FCHSD2: variants seen among roughly 807,000 people sequenced by gnomAD.
FCHSD2 encodes F-BAR and double SH3 domains protein 2.
A neutral mutation model predicts 108.1 loss-of-function variants in FCHSD2; 38 were observed. That is an observed-to-expected ratio of 0.35 (90% CI 0.27 to 0.46). The LOEUF is 0.46. Among genes scored for constraint, FCHSD2 ranks in the 20% least tolerant of loss-of-function variants. FCHSD2 has a pLI of 1.00. For synonymous variants in FCHSD2, 279 were observed against 314.7 expected (o/e 0.89, Z 1.20); for missense variants, 751 against 897.8 (o/e 0.84, Z 2.09).
chr11:73,068,315 A>T (rs939917009), intron 3 of FCHSD2, among the ~76,000 whole-genome samples: 7 of 126,484 alleles, frequency 5.5e-5, no homozygotes, highest in African/African-American at 1.8e-4. Context: ...CACACACTGA[A>T]CACCTGTGCG....
chr11:72,916,114 T>C (rs565730132), intron 9 of FCHSD2, among the ~76,000 whole-genome samples: 1 of 152,090 alleles, frequency 6.6e-6, no homozygotes, highest in Admixed American at 6.6e-5. Flanking sequence ...TAATGGGTAC[T>C]AGGCTTAATA....
intron 13 of FCHSD2, among the ~76,000 whole-genome samples, chr11:72,856,399 ACT>A (rs1861429874): frequency 6.6e-6 from 1 of 151,980 alleles, no homozygotes; most frequent in Non-Finnish European, 1.5e-5. Flanking sequence ...TTTAAAACTG[ACT>A]CTCCTCTTAA....
At chr11:73,064,982 A>G (rs977797258) in intron 3 of FCHSD2, among the ~76,000 whole-genome samples, 5 of 152,198 alleles carry the variant, frequency 3.3e-5, no homozygotes, top group African/African-American at 4.8e-5. Context: ...ATAGAAAAAG[A>G]GGGAATCCTC....
chr11:73,122,300 T>C (rs1200049097), intron 2 of FCHSD2, among the ~76,000 whole-genome samples: 1 of 152,080 alleles, frequency 6.6e-6, no homozygotes, highest in African/African-American at 2.4e-5. Context: ...GTACAAAAAC[T>C]TCCCCGTATT....
At chr11:73,140,675 A>C (rs1005277838) in intron 1 of FCHSD2, among the ~76,000 whole-genome samples, 4 of 152,244 alleles carry the variant, frequency 2.6e-5, no homozygotes, top group African/African-American at 9.6e-5. Flanking sequence ...ATCAAATCAC[A>C]ATCTCTTTCT....
At chr11:72,916,556 T>A (rs1393166985) in intron 9 of FCHSD2, among the ~76,000 whole-genome samples, 1 of 152,098 alleles carries the variant, frequency 6.6e-6, no homozygotes, top group African/African-American at 2.4e-5. Flanking sequence ...CTCAAGCAAT[T>A]CCCCCACCTT....
intron 8 of FCHSD2, among the ~76,000 whole-genome samples, chr11:72,966,357 G>A (rs1320287983): frequency 1.3e-5 from 2 of 151,970 alleles, no homozygotes; most frequent in South Asian, 4.1e-4. Context: ...ACAGGGTTTC[G>A]TCATGTTGGC....
At chr11:72,839,079 C>A (rs898861934) in intron 19 of FCHSD2, among the ~76,000 whole-genome samples, 1 of 152,206 alleles carries the variant, frequency 6.6e-6, no homozygotes, top group African/African-American at 2.4e-5. Context: ...GCCCACAAAT[C>A]AGCTTCTTGC....
chr11:72,861,160 T>C (rs182429206), intron 13 of FCHSD2, among the ~76,000 whole-genome samples: 63 of 152,114 alleles, frequency 4.1e-4, no homozygotes, highest in African/African-American at 1.4e-3. Flanking sequence ...TCTAGCAGAA[T>C]GATCAGAAGA....
chr11:73,040,296 G>A (rs772188906), intron 3 of FCHSD2, among the ~76,000 whole-genome samples: 1 of 152,078 alleles, frequency 6.6e-6, no homozygotes, highest in African/African-American at 2.4e-5. Flanking sequence ...TAATTGTTTC[G>A]CAGTCATGTG....
At chr11:72,839,627 A>C (rs901369854) in intron 19 of FCHSD2, among the ~76,000 whole-genome samples, 2 of 152,208 alleles carry the variant, frequency 1.3e-5, no homozygotes, top group African/African-American at 4.8e-5. Context: ...GAATGATGCC[A>C]GAACACCAGT....
At chr11:73,027,212 C>G (rs1209969404) in intron 3 of FCHSD2, among the ~76,000 whole-genome samples, 1 of 152,078 alleles carries the variant, frequency 6.6e-6, no homozygotes, top group Non-Finnish European at 1.5e-5. Flanking sequence ...TTGACCAAAA[C>G]CATTGATCAC....
chr11:72,850,040 T>C (rs1157667409), intron 13 of FCHSD2, among the ~76,000 whole-genome samples, 151 bp from the exon 14 acceptor site: 3 of 150,052 alleles, frequency 2.0e-5, no homozygotes, highest in Admixed American at 6.8e-5. Flanking sequence ...ACATTTTTCA[T>C]GTTATGAAAG....
intron 2 of FCHSD2, among the ~76,000 whole-genome samples, chr11:73,091,540 C>T (rs1423671070): frequency 6.6e-6 from 1 of 151,796 alleles, no homozygotes; most frequent in Non-Finnish European, 1.5e-5. Flanking sequence ...CAGAGTGAGA[C>T]TCCATCTCAA....
intron 8 of FCHSD2, among the ~76,000 whole-genome samples, chr11:72,954,208 T>A (rs1015516930): frequency 7.1e-6 from 1 of 140,298 alleles, no homozygotes; most frequent in African/African-American, 2.7e-5. Flanking sequence ...TTTTTTTTTT[T>A]TTTTTTTTTT....
rs1856674152 is a variant in FCHSD2 at position 72,954,334 on chromosome 11, G to C, written c.705+29754C>G. ...TGCAATTCTCTCAACTCAGCCTCCT[G>C]AGTAGCTGGGACCACAGGTGCATGC... On this transcript the variant is annotated intron_variant, in intron 8 of 19. Coordinates refer to ENST00000409418, the MANE Select transcript of FCHSD2 (RefSeq NM_014824.3). Among the ~76,000 whole-genome samples the C allele has an allele frequency of 2.0e-5, 3 of 150,990 alleles. No individual in the cohort carries two copies. The Admixed American group carries it at 2.0e-4, about 10-fold the overall frequency.
intron 5 of FCHSD2, among the ~76,000 whole-genome samples, chr11:72,998,159 T>C (rs907225547): frequency 1.3e-5 from 2 of 152,164 alleles, no homozygotes; most frequent in Non-Finnish European, 2.9e-5. Context: ...CAAAAAGTCA[T>C]AAATGAGAGT....
At chr11:72,989,169 A>C in intron 5 of FCHSD2, 72 bp from the exon 6 acceptor site, 1 of 1,169,948 alleles carries the variant, frequency 8.5e-7, no homozygotes, top group South Asian at 1.6e-5. Context: ...CATCCTAAGG[A>C]CTATACACTA....
At chr11:72,874,430 T>TC (rs779587962) in intron 12 of FCHSD2, among the ~76,000 whole-genome samples, 61 of 152,290 alleles carry the variant, frequency 4.0e-4, no homozygotes, top group Non-Finnish European at 6.2e-4. Context: ...CTTCAAGTGA[T>TC]CCTCCTGCCT....
Sources: gnomAD v4.1 joint callset for allele counts (sites outside exome capture counted in the v4.1 genomes callset) on GRCh38, gnomAD v4.1.1 for gene constraint, MANE v1.5 for transcripts, NCBI Gene and HGNC (gene_info 2026-07-23, HGNC 2026-07-21) for gene names.